Variants in PDE1A observed in about 807,000 individuals in gnomAD.
PDE1A encodes the protein phosphodiesterase 1A, also known as dual specificity calcium/calmodulin-dependent 3',5'-cyclic nucleotide phosphodiesterase 1A.
PDE1A carries 35 observed loss-of-function variants against 61.7 expected under a neutral mutation model. That is an observed-to-expected ratio of 0.57 (90% CI 0.43 to 0.75). PDE1A has a LOEUF of 0.75. Among genes scored for constraint, PDE1A ranks in the 30% least tolerant of loss-of-function variants. PDE1A has a pLI of 0.00. For missense variants in PDE1A, 597 were observed against 630.6 expected (o/e 0.95, Z 0.57); for synonymous variants, 232 against 213.2 (o/e 1.09, Z -0.77).
chr2:182,452,204 A>T (rs577798528), intron 2 of PDE1A, among the ~76,000 whole-genome samples: 104 of 152,258 alleles, frequency 6.8e-4, no homozygotes, highest in African/African-American at 2.4e-3. Flanking sequence ...TGTGGTGCTG[A>T]GGTAACATTG....
intron 2 of PDE1A, among the ~76,000 whole-genome samples, chr2:182,452,424 C>A (rs1422078416): frequency 6.6e-6 from 1 of 152,122 alleles, no homozygotes; most frequent in Non-Finnish European, 1.5e-5. Flanking sequence ...TTGATAAGTG[C>A]ACGCTAGAAG....
chr2:182,294,701 A>C (rs1212400794), intron 1 of PDE1A, among the ~76,000 whole-genome samples: 1 of 152,200 alleles, frequency 6.6e-6, no homozygotes, highest in Admixed American at 6.5e-5. Context: ...CAAGTACTAT[A>C]TGATGTAGCC....
At chr2:182,200,446 C>T (rs191901372) in intron 10 of PDE1A, among the ~76,000 whole-genome samples, 1 of 152,210 alleles carries the variant, frequency 6.6e-6, no homozygotes, top group Non-Finnish European at 1.5e-5. Flanking sequence ...TTGATAAATA[C>T]TCTGGACAGG....
chr2:182,608,456 G>A, the PDE1A span, among the ~76,000 whole-genome samples: 2 of 152,190 alleles, frequency 1.3e-5, no homozygotes, highest in Non-Finnish European at 2.9e-5. Flanking sequence ...GAGGAGATGT[G>A]GAGGGAGAGG....
At chr2:182,442,583 C>A (rs1684863133) in intron 2 of PDE1A, among the ~76,000 whole-genome samples, 1 of 151,766 alleles carries the variant, frequency 6.6e-6, no homozygotes, top group Non-Finnish European at 1.5e-5. Flanking sequence ...TTATTCTATT[C>A]ATATAATAAA....
the PDE1A span, among the ~76,000 whole-genome samples, chr2:182,556,725 A>C: frequency 6.6e-6 from 1 of 152,228 alleles, no homozygotes; most frequent in Non-Finnish European, 1.5e-5. Flanking sequence ...AATGTGCTTC[A>C]GAAGCCATAA....
chr2:182,548,927 T>C, the PDE1A span, among the ~76,000 whole-genome samples: 1 of 152,220 alleles, frequency 6.6e-6, no homozygotes, highest in Non-Finnish European at 1.5e-5. Context: ...TAATCACAAT[T>C]TGTAAGACTA....
intron 2 of PDE1A, chr2:182,241,936 C>T (rs1208963393): frequency 3.9e-5 from 59 of 1,510,878 alleles, no homozygotes; most frequent in Non-Finnish European, 5.2e-5. Flanking sequence ...TTCCCTAGCC[C>T]ATTTCAGCAA....
chr2:182,407,605 C>A (rs112714037), intron 1 of PDE1A, among the ~76,000 whole-genome samples: 4,007 of 152,194 alleles, frequency 0.026, 191 homozygotes, highest in African/African-American at 0.091. Flanking sequence ...TGCTCTCAAA[C>A]CCCTGGCCTC....
chr2:182,647,337 A>G, the PDE1A span, among the ~76,000 whole-genome samples: 1 of 152,206 alleles, frequency 6.6e-6, no homozygotes, highest in Non-Finnish European at 1.5e-5. Flanking sequence ...TCAAGATCAG[A>G]ATTTATTTCT....
chr2:182,577,931 C>CGGAAGGAAGGAA, the PDE1A span, among the ~76,000 whole-genome samples: 4,164 of 82,078 alleles, frequency 0.051, 163 homozygotes, highest in Middle Eastern at 0.064. Flanking sequence ...AGAAAGAAAA[C>CGGAAGGAAGGAA]GGAAGGAAGG....
intron 1 of PDE1A, among the ~76,000 whole-genome samples, chr2:182,365,703 T>C (rs898700935): frequency 6.6e-5 from 10 of 152,026 alleles, no homozygotes; most frequent in Non-Finnish European, 1.3e-4. Flanking sequence ...GACTTGATTT[T>C]GTTTCTCATC....
At chr2:182,539,229 G>T in the PDE1A span, among the ~76,000 whole-genome samples, 3 of 152,120 alleles carry the variant, frequency 2.0e-5, no homozygotes, top group Admixed American at 6.5e-5. Flanking sequence ...AAATTTCCAA[G>T]TTATCTGAAT....
chr2:182,198,217 A>G (rs546984889), intron 10 of PDE1A, among the ~76,000 whole-genome samples: 2 of 152,074 alleles, frequency 1.3e-5, no homozygotes, highest in South Asian at 4.1e-4. Flanking sequence ...ATACAGAAAC[A>G]CAATTGATTC....
downstream of PDE1A, among the ~76,000 whole-genome samples, chr2:182,167,420 C>A (rs568735110): frequency 1.3e-5 from 2 of 152,130 alleles, no homozygotes; most frequent in African/African-American, 4.8e-5. Context: ...AGCCAAATTC[C>A]TCCTCATTTT....
At chr2:182,592,391 G>A in the PDE1A span, among the ~76,000 whole-genome samples, 1 of 152,178 alleles carries the variant, frequency 6.6e-6, no homozygotes, top group Non-Finnish European at 1.5e-5. Context: ...CAAAAGTTTT[G>A]CAAGTATATA....
chr2:182,291,335 A>G (rs1694518569), intron 1 of PDE1A, among the ~76,000 whole-genome samples: 2 of 152,200 alleles, frequency 1.3e-5, no homozygotes, highest in African/African-American at 4.8e-5. Flanking sequence ...TCAAACTGCT[A>G]GTCAGTCTTC....
chr2:182,660,868 C>T, the PDE1A span, among the ~76,000 whole-genome samples: 1 of 152,188 alleles, frequency 6.6e-6, no homozygotes, highest in African/African-American at 2.4e-5. Context: ...TCAGCTAACC[C>T]GTACCCAGAC....
rs1353137887 is a variant in PDE1A at position 182,374,660 on chromosome 2, A to T, written c.53+51918T>A. Among the ~76,000 whole-genome samples the T allele has an allele frequency of 2.0e-5, 3 of 152,354 alleles. No individual in the cohort carries two copies. In the East Asian group the frequency reaches 5.8e-4, roughly 29 times the overall value. On this transcript the variant is annotated intron_variant, in intron 1 of 13. Transcript: ENST00000351439. ...TTAATAGAATAAAAATGAACATGAT[A>T]CTAGAATAAACACTTCACAAAATAA...
Sources: gnomAD v4.1 joint callset for allele counts (sites outside exome capture counted in the v4.1 genomes callset) on GRCh38, gnomAD v4.1.1 for gene constraint, MANE v1.5 for transcripts, NCBI Gene and HGNC (gene_info 2026-07-23, HGNC 2026-07-21) for gene names.